Variants in RNGTT observed in about 807,000 individuals in gnomAD.
RNGTT encodes the protein mRNA-capping enzyme.
A neutral mutation model predicts 79.3 loss-of-function variants in RNGTT; 33 were observed. The observed-to-expected ratio is 0.42, with a 90% CI of 0.32 to 0.56. The LOEUF is 0.56. RNGTT is among the 20% of genes least tolerant of loss of function. RNGTT has a pLI of 0.17. For synonymous variants in RNGTT, 222 were observed against 235.9 expected, an observed-to-expected ratio of 0.94 and a Z score of 0.54; for missense variants, 497 against 739.1, an observed-to-expected ratio of 0.67 and a Z score of 3.80.
chr6:88,812,543 T>A (rs909500582), intron 11 of RNGTT, among the ~76,000 whole-genome samples: 1 of 152,252 alleles, frequency 6.6e-6, no homozygotes, highest in Non-Finnish European at 1.5e-5. Flanking sequence ...GTGTTTGAGA[T>A]GTAAAAGAGT....
At chr6:88,776,949 C>T (rs2127847054) in intron 12 of RNGTT, among the ~76,000 whole-genome samples, 1 of 152,248 alleles carries the variant, frequency 6.6e-6, no homozygotes, top group Admixed American at 6.5e-5. Flanking sequence ...AGGAGCTTTT[C>T]CACTATGTTT....
At chr6:88,798,974 T>G (rs895284556) in intron 12 of RNGTT, among the ~76,000 whole-genome samples, 4 of 152,086 alleles carry the variant, frequency 2.6e-5, no homozygotes, top group African/African-American at 9.7e-5. Context: ...TAGACAATGA[T>G]GAGAACTAAC....
intron 14 of RNGTT, among the ~76,000 whole-genome samples, chr6:88,672,054 A>G (rs1328567057): frequency 1.3e-5 from 2 of 152,158 alleles, no homozygotes; most frequent in Non-Finnish European, 2.9e-5. Context: ...TGGTTTAGGT[A>G]GAGTTCATGA....
intron 7 of RNGTT, among the ~76,000 whole-genome samples, chr6:88,891,010 T>G (rs552709382): frequency 6.6e-6 from 1 of 152,234 alleles, no homozygotes; most frequent in Admixed American, 6.5e-5. Flanking sequence ...GTTGGCAACT[T>G]TCTCCTCAAA....
At chr6:88,908,635 T>A (rs150047442) in intron 4 of RNGTT, among the ~76,000 whole-genome samples, 80 of 152,198 alleles carry the variant, frequency 5.3e-4, no homozygotes, top group African/African-American at 1.9e-3. Flanking sequence ...TCCTCTGGGA[T>A]CCTAGCTACA....
At chr6:88,853,195 G>A (rs1305027684) in intron 9 of RNGTT, among the ~76,000 whole-genome samples, 2 of 152,182 alleles carry the variant, frequency 1.3e-5, no homozygotes, top group African/African-American at 4.8e-5. Context: ...AGAAATAAAT[G>A]AAATTTAACA....
chr6:88,823,156 G>A (rs1780547714), intron 11 of RNGTT, among the ~76,000 whole-genome samples: 1 of 152,170 alleles, frequency 6.6e-6, no homozygotes, highest in Non-Finnish European at 1.5e-5. Context: ...GCTGGGCATG[G>A]TGCCTCACGC....
intron 12 of RNGTT, among the ~76,000 whole-genome samples, chr6:88,784,235 GT>G (rs1331589104): frequency 6.6e-5 from 10 of 152,124 alleles, no homozygotes; most frequent in Admixed American, 6.6e-4. Context: ...GTACAGCACA[GT>G]ACTTAATATT....
At chr6:88,657,915 G>A (rs1179967099) in intron 14 of RNGTT, among the ~76,000 whole-genome samples, 2 of 152,154 alleles carry the variant, frequency 1.3e-5, no homozygotes, top group East Asian at 3.9e-4. Flanking sequence ...CCTGCTCAAG[G>A]AGAGTCTGAG....
At chr6:88,942,052 T>C (rs767596318) in intron 1 of RNGTT, among the ~76,000 whole-genome samples, 1 of 152,070 alleles carries the variant, frequency 6.6e-6, no homozygotes, top group Non-Finnish European at 1.5e-5. Flanking sequence ...CTCAAACTCC[T>C]GGGCTCAAGC....
intron 11 of RNGTT, among the ~76,000 whole-genome samples, chr6:88,841,492 C>T (rs1781288800): frequency 6.6e-6 from 1 of 152,164 alleles, no homozygotes; most frequent in Non-Finnish European, 1.5e-5. Flanking sequence ...TAACCACCCT[C>T]CTCCCAAAAA....
intron 11 of RNGTT, among the ~76,000 whole-genome samples, chr6:88,808,197 G>C (rs1419550511): frequency 6.6e-6 from 1 of 151,930 alleles, no homozygotes; most frequent in Non-Finnish European, 1.5e-5. Context: ...CAATATAATT[G>C]ACTAATTAAA....
chr6:88,660,122 A>C (rs962813158), intron 14 of RNGTT, among the ~76,000 whole-genome samples: 1 of 152,214 alleles, frequency 6.6e-6, no homozygotes, highest in Non-Finnish European at 1.5e-5. Context: ...GCCACTACTA[A>C]GCCAGCACTA....
intron 14 of RNGTT, among the ~76,000 whole-genome samples, chr6:88,646,559 C>T (rs187687327): frequency 6.6e-6 from 1 of 152,276 alleles, no homozygotes; most frequent in Admixed American, 6.5e-5. Context: ...TTTATTGTGG[C>T]ACTACTCACA....
chr6:88,941,191 C>G lies in RNGTT; in HGVS notation c.65-11G>C. On this transcript the variant is annotated splice_polypyrimidine_tract_variant and intron_variant, in intron 1 of 15. Transcript: ENST00000369485. The stretch of plus-strand genomic sequence containing the variant: ...GAGGTAAGAATCTTCCTAAACAACA[C>G]AGATAGGTAATCATTTCCATAAAAG... The G allele has an allele frequency of 7.0e-7, 1 of 1,421,728 alleles. No homozygotes were observed. The highest frequency in any genetic ancestry group is 9.8e-7 in the Non-Finnish European group (1 of 1,015,948). The allele number at this position is 1,421,728 out of a possible 1,614,324, so 88.1% of individuals were successfully genotyped here.
intron 13 of RNGTT, among the ~76,000 whole-genome samples, chr6:88,729,868 G>A (rs372278930): frequency 3.9e-5 from 6 of 152,256 alleles, no homozygotes; most frequent in South Asian, 2.1e-4. Context: ...TTTACAGAAT[G>A]GCTAGAAAAG....
chr6:88,879,975 C>T (rs556030994), intron 8 of RNGTT, among the ~76,000 whole-genome samples: 5 of 152,180 alleles, frequency 3.3e-5, no homozygotes, highest in Non-Finnish European at 5.9e-5. Flanking sequence ...GATATGGCTG[C>T]TTTTTATCTG....
At chr6:88,878,076 GTTTATTTATTTATTTA>G (rs201880221) in intron 8 of RNGTT, among the ~76,000 whole-genome samples, 7 of 150,582 alleles carry the variant, frequency 4.6e-5, no homozygotes, top group Admixed American at 2.6e-4. Context: ...AATTTCATTT[GTTTATTTATTTATTTA>G]TTTATTTATT....
rs73754840 is a variant in RNGTT, at chr6:88,963,383, C to A, written c.27G>T (p.Arg9=). The A allele has an allele frequency of 2.7e-4, 441 of 1,610,080 alleles. 4 individuals carry two copies. The African/African-American group carries it at 5.3e-3, about 19-fold the overall frequency. Residue 9 remains arginine, a synonymous_variant, in exon 1 of 16, where the codon CGG becomes CGT. Transcript: ENST00000369485. MAHNKIPP[R]WLNCPRRGQP... is the part of the protein sequence containing the mutation. ...GGCCGCGCCGGGGACAGTTCAGCCA[C>A]CGCGGCGGGATCTTGTTGTGAGCCA...
Sources: gnomAD v4.1 joint callset for allele counts (sites outside exome capture counted in the v4.1 genomes callset) on GRCh38, gnomAD v4.1.1 for gene constraint, MANE v1.5 for transcripts, NCBI Gene and HGNC (gene_info 2026-07-23, HGNC 2026-07-21) for gene names.